Variants in LUZP2 observed in about 807,000 individuals in gnomAD.
LUZP2 encodes leucine zipper protein 2.
LUZP2 carries 52 observed loss-of-function variants against 51.6 expected under a neutral mutation model. That is an observed-to-expected ratio of 1.01 (90% CI 0.81 to 1.27). LUZP2 has a LOEUF of 1.27. LUZP2 is among the 50% of genes most tolerant of loss of function. The probability of loss-of-function intolerance (pLI) is 0.00; values close to 1 mark genes in which losing one functional copy is unlikely to be tolerated. For missense variants in LUZP2, 436 were observed against 395.4 expected, an observed-to-expected ratio of 1.10 and a Z score of -0.87; for synonymous variants, 154 against 137.3, an observed-to-expected ratio of 1.12 and a Z score of -0.85.
intron 9 of LUZP2, among the ~76,000 whole-genome samples, chr11:25,034,022 C>T (rs186532495): frequency 6.6e-6 from 1 of 152,234 alleles, no homozygotes; most frequent in Admixed American, 6.6e-5. Flanking sequence ...TCCACAGCAA[C>T]TGGTCTAATT....
intron 9 of LUZP2, among the ~76,000 whole-genome samples, chr11:25,012,324 C>T (rs1331774844): frequency 6.6e-6 from 1 of 152,124 alleles, no homozygotes; most frequent in Non-Finnish European, 1.5e-5. Flanking sequence ...CTTTCATCTC[C>T]CTGACTTAAA....
intron 9 of LUZP2, among the ~76,000 whole-genome samples, chr11:25,006,516 TGG>T (rs1435695240): frequency 6.6e-6 from 1 of 152,110 alleles, no homozygotes; most frequent in Admixed American, 6.5e-5. Flanking sequence ...TCCAAAGATT[TGG>T]GGGTTGTTAG....
intron 1 of LUZP2, among the ~76,000 whole-genome samples, chr11:24,673,163 G>A (rs1249534616): frequency 6.6e-6 from 1 of 152,034 alleles, no homozygotes; most frequent in East Asian, 1.9e-4. Flanking sequence ...CAAAAAGGTT[G>A]GGGACCACTG....
chr11:24,497,117 T>C lies in LUZP2; in HGVS notation c.-127T>C, dbSNP rs962310177. ...CCAGGCGTCCGTTCGTGTGCCCGTC[T>C]CCGCCTTTCCGCCTCGGAAGAGCGC... On this transcript the variant is annotated 5_prime_UTR_variant, in exon 1 of 12. Transcript: ENST00000336930. 1.2e-5 allele frequency: 10 copies of C among 803,808 alleles called. No individual in the cohort carries two copies. Among genetic ancestry groups the C allele is most frequent in the Non-Finnish European group, 1.8e-5 (10 of 552,556 alleles). 49.8% of individuals were successfully genotyped at this position (803,808 alleles called of 1,614,324 possible).
chr11:24,994,304 T>A (rs77216267), intron 9 of LUZP2, among the ~76,000 whole-genome samples: 4 of 152,164 alleles, frequency 2.6e-5, no homozygotes, highest in African/African-American at 9.6e-5. Flanking sequence ...AATTTGAGTT[T>A]ACTTCTATAT....
At chr11:24,667,910 T>C (rs745912735) in intron 1 of LUZP2, among the ~76,000 whole-genome samples, 6 of 152,212 alleles carry the variant, frequency 3.9e-5, no homozygotes, top group Admixed American at 6.5e-5. Flanking sequence ...ATTGAAAGAA[T>C]GAGGGTAATT....
intron 7 of LUZP2, among the ~76,000 whole-genome samples, chr11:24,941,550 A>G (rs988379405): frequency 3.3e-5 from 5 of 152,156 alleles, no homozygotes; most frequent in Non-Finnish European, 7.4e-5. Context: ...AAACAATTCA[A>G]ATATAACAAC....
At chr11:24,883,924 G>T (rs780642643) in intron 5 of LUZP2, among the ~76,000 whole-genome samples, 1 of 151,912 alleles carries the variant, frequency 6.6e-6, no homozygotes, top group South Asian at 2.1e-4. Context: ...AAAAGTGGGA[G>T]GTCTGCTCTT....
intron 1 of LUZP2, among the ~76,000 whole-genome samples, chr11:24,572,365 G>A (rs543510452): frequency 6.6e-6 from 1 of 151,940 alleles, no homozygotes; most frequent in African/African-American, 2.4e-5. Context: ...TAGTAATACA[G>A]GTCTCAAGCA....
intron 5 of LUZP2, among the ~76,000 whole-genome samples, chr11:24,845,356 T>C (rs181662959): frequency 1.1e-4 from 16 of 152,320 alleles, no homozygotes; most frequent in African/African-American, 3.8e-4. Context: ...CTATTGTATC[T>C]TGGAAGTAAC....
chr11:24,512,781 A>T (rs1193395377), intron 1 of LUZP2, among the ~76,000 whole-genome samples: 3 of 147,140 alleles, frequency 2.0e-5, no homozygotes, highest in Admixed American at 1.4e-4. Context: ...ATGGAGTCTC[A>T]CTCTGTTGCC....
chr11:24,995,100 A>T (rs1311432425), intron 9 of LUZP2, among the ~76,000 whole-genome samples: 1 of 152,216 alleles, frequency 6.6e-6, no homozygotes, highest in Non-Finnish European at 1.5e-5. Context: ...TTTAAAAATG[A>T]ATTACAGGCT....
intron 1 of LUZP2, among the ~76,000 whole-genome samples, chr11:24,577,280 G>A (rs1852683023): frequency 6.6e-6 from 1 of 151,950 alleles, no homozygotes; most frequent in African/African-American, 2.4e-5. Context: ...ATGACTTCAT[G>A]AAAACTGTAG....
intron 1 of LUZP2, among the ~76,000 whole-genome samples, chr11:24,597,833 C>T (rs961785571): frequency 6.6e-6 from 1 of 152,068 alleles, no homozygotes; most frequent in African/African-American, 2.4e-5. Flanking sequence ...GCCACCATGG[C>T]TTATATGCCT....
intron 1 of LUZP2, among the ~76,000 whole-genome samples, chr11:24,613,937 T>G (rs1156629162): frequency 6.6e-6 from 1 of 152,136 alleles, no homozygotes; most frequent in South Asian, 2.1e-4. Context: ...GTGATCCTAA[T>G]CTACTAGGCA....
At chr11:24,683,845 T>G (rs915797148) in intron 1 of LUZP2, among the ~76,000 whole-genome samples, 3 of 152,170 alleles carry the variant, frequency 2.0e-5, no homozygotes, top group Non-Finnish European at 4.4e-5. Context: ...GCTGTTTGTC[T>G]GAAGGTTCAA....
chr11:24,526,757 G>C (rs1306009528), intron 1 of LUZP2, among the ~76,000 whole-genome samples: 1 of 151,124 alleles, frequency 6.6e-6, no homozygotes, highest in East Asian at 2.0e-4. Context: ...TTCTGTGCTA[G>C]ACCTTTCTTT....
chr11:25,035,469 C>T (rs1857827230), intron 9 of LUZP2, among the ~76,000 whole-genome samples: 1 of 151,928 alleles, frequency 6.6e-6, no homozygotes, highest in Non-Finnish European at 1.5e-5. Context: ...CCAAGGAATA[C>T]AGCTAACCAA....
intron 1 of LUZP2, among the ~76,000 whole-genome samples, chr11:24,686,095 A>G (rs1856889572): frequency 6.6e-6 from 1 of 152,142 alleles, no homozygotes; most frequent in Admixed American, 6.6e-5. Flanking sequence ...CATGCTGGCA[A>G]TTACTGAGAT....
Sources: allele counts gnomAD v4.1 joint callset (sites outside exome capture counted in the v4.1 genomes callset), GRCh38; gene constraint gnomAD v4.1.1; transcripts MANE v1.5; gene names NCBI Gene and HGNC (gene_info 2026-07-23, HGNC 2026-07-21).